C1QTNF3: variants seen among roughly 807,000 people sequenced by gnomAD.
C1QTNF3 encodes the protein complement C1q tumor necrosis factor-related protein 3.
Under a neutral mutation model 32.6 loss-of-function variants are expected in C1QTNF3, and 26 were observed. The observed-to-expected ratio is 0.80, with a 90% CI of 0.58 to 1.11. The LOEUF (loss-of-function observed/expected upper bound fraction) is 1.11, where lower values mean the gene tolerates loss of function less well. Ranked by LOEUF, C1QTNF3 falls within the 50% of genes least tolerant of loss-of-function variation. The pLI is 0.00. For synonymous variants in C1QTNF3, 155 were observed against 146.0 expected (o/e 1.06, Z -0.44); for missense variants, 362 against 398.2 (o/e 0.91, Z 0.77).
chr5:34,050,055 T>C, the C1QTNF3 span, among the ~76,000 whole-genome samples: 1 of 152,204 alleles, frequency 6.6e-6, no homozygotes, highest in Non-Finnish European at 1.5e-5. Context: ...TTGAGAACAT[T>C]TGATAATCAT....
the C1QTNF3 span, among the ~76,000 whole-genome samples, chr5:34,064,295 T>C: frequency 7.2e-5 from 11 of 152,078 alleles, no homozygotes; most frequent in Admixed American, 6.5e-4. Flanking sequence ...GGCCACCAGA[T>C]GTTATAGGAT....
At chr5:34,138,563 T>C in the C1QTNF3 span, among the ~76,000 whole-genome samples, 60 of 152,266 alleles carry the variant, frequency 3.9e-4, no homozygotes, top group Admixed American at 3.1e-3. Flanking sequence ...ATATATGACA[T>C]CATTAATCTC....
At chr5:34,204,109 TATC>T in the C1QTNF3 span, among the ~76,000 whole-genome samples, 1,491 of 152,200 alleles carry the variant, frequency 9.8e-3, 24 homozygotes, top group African/African-American at 0.034. Flanking sequence ...CATTAAATGT[TATC>T]ATCAAGACAG....
intron 1 of C1QTNF3, 113 bp from the exon 2 acceptor site, chr5:34,035,871 G>T: frequency 1.3e-6 from 1 of 752,964 alleles, no homozygotes; most frequent in Non-Finnish European, 2.2e-6. Flanking sequence ...TCGAATCACA[G>T]CAAGATCACA....
chr5:34,050,420 C>T, the C1QTNF3 span, among the ~76,000 whole-genome samples: 5 of 152,152 alleles, frequency 3.3e-5, no homozygotes, highest in African/African-American at 1.2e-4. Context: ...AGCTACTCAG[C>T]GCTTGGCATC....
chr5:34,144,724 T>C, the C1QTNF3 span, among the ~76,000 whole-genome samples: 1 of 152,172 alleles, frequency 6.6e-6, no homozygotes, highest in Admixed American at 6.5e-5. Context: ...AAAAATTCAT[T>C]GGAATTAATG....
At chr5:34,117,993 T>C in the C1QTNF3 span, among the ~76,000 whole-genome samples, 1 of 152,238 alleles carries the variant, frequency 6.6e-6, no homozygotes, top group Non-Finnish European at 1.5e-5. Flanking sequence ...CTTCATCTTA[T>C]ATTTTTTGTA....
the C1QTNF3 span, among the ~76,000 whole-genome samples, chr5:34,103,851 T>C: frequency 2.0e-5 from 3 of 151,856 alleles, no homozygotes; most frequent in Non-Finnish European, 2.9e-5. Context: ...TCAAATCACG[T>C]TTTATATATG....
the C1QTNF3 span, among the ~76,000 whole-genome samples, chr5:34,224,006 AACAG>A: frequency 6.6e-6 from 1 of 152,144 alleles, no homozygotes; most frequent in Non-Finnish European, 1.5e-5. Context: ...ATACACCAAT[AACAG>A]ACAATCAGAG....
intron 4 of C1QTNF3, among the ~76,000 whole-genome samples, chr5:34,027,905 C>G (rs1359270975): frequency 6.6e-6 from 1 of 151,606 alleles, no homozygotes; most frequent in Non-Finnish European, 1.5e-5. Flanking sequence ...AAGACACAAT[C>G]AGAATGTAGA....
At chr5:34,112,847 A>C in the C1QTNF3 span, among the ~76,000 whole-genome samples, 6 of 152,166 alleles carry the variant, frequency 3.9e-5, no homozygotes, top group Non-Finnish European at 7.3e-5. Context: ...GTTATTCAGC[A>C]GTCCATGAAG....
At chr5:34,183,231 C>T in the C1QTNF3 span, among the ~76,000 whole-genome samples, 4 of 152,154 alleles carry the variant, frequency 2.6e-5, no homozygotes, top group East Asian at 7.7e-4. Flanking sequence ...CCTGCCTCGG[C>T]CTCCCAAAGT....
At chr5:34,244,192 C>T in the C1QTNF3 span, among the ~76,000 whole-genome samples, 1 of 152,050 alleles carries the variant, frequency 6.6e-6, no homozygotes, top group Non-Finnish European at 1.5e-5. Flanking sequence ...TTATAAAAAA[C>T]CCATATTATC....
At chr5:34,166,168 C>G in the C1QTNF3 span, 1 of 151,920 alleles carries the variant, frequency 6.6e-6, no homozygotes, top group East Asian at 1.9e-4. Flanking sequence ...CAAGATCTCA[C>G]GACAATGGAT....
the C1QTNF3 span, among the ~76,000 whole-genome samples, chr5:34,118,419 C>T: frequency 1.3e-5 from 2 of 152,274 alleles, no homozygotes; most frequent in South Asian, 4.1e-4. Flanking sequence ...ATCACTAGCT[C>T]TCAGCCTGAA....
chr5:34,234,108 T>C, the C1QTNF3 span, among the ~76,000 whole-genome samples: 1 of 152,116 alleles, frequency 6.6e-6, no homozygotes, highest in Non-Finnish European at 1.5e-5. Context: ...TCAGATGACT[T>C]TTATTATTTT....
the C1QTNF3 span, chr5:34,167,312 C>A: frequency 2.0e-5 from 3 of 152,166 alleles, no homozygotes; most frequent in East Asian, 5.8e-4. Context: ...ACAGCTTTCT[C>A]TGCCTCACGT....
the C1QTNF3 span, among the ~76,000 whole-genome samples, chr5:34,053,229 G>A: frequency 3.3e-5 from 5 of 152,156 alleles, no homozygotes; most frequent in African/African-American, 1.2e-4. Context: ...GCTGTTCCAG[G>A]ACTCTGAAAC....
At chr5:34,145,967 TAAAA>T in the C1QTNF3 span, among the ~76,000 whole-genome samples, 2 of 152,156 alleles carry the variant, frequency 1.3e-5, no homozygotes, top group Non-Finnish European at 2.9e-5. Context: ...CCCTCCATGA[TAAAA>T]AACTCCCAAC....
Sources: allele counts gnomAD v4.1 joint callset (sites outside exome capture counted in the v4.1 genomes callset), GRCh38; gene constraint gnomAD v4.1.1; transcripts MANE v1.5; gene names NCBI Gene and HGNC (gene_info 2026-07-23, HGNC 2026-07-21).